Variants in ULK1 observed in about 807,000 individuals in gnomAD.
ULK1 encodes the protein serine/threonine-protein kinase ULK1.
In ULK1, 48 loss-of-function variants were observed where a neutral mutation model predicts 117.5. The ratio of observed to expected loss-of-function variants is 0.41; its 90% CI spans 0.32 to 0.52. ULK1 has a LOEUF of 0.52. ULK1 is among the 20% of genes least tolerant of loss of function. The probability of loss-of-function intolerance (pLI) is 0.29; values close to 1 mark genes in which losing one functional copy is unlikely to be tolerated. For missense variants in ULK1, 1,387 were observed against 1,473.4 expected (o/e 0.94, Z 0.96); for synonymous variants, 790 against 637.8 (o/e 1.24, Z -3.60).
At chr12:131,910,956 A>G (rs1343420064) in intron 12 of ULK1, among the ~76,000 whole-genome samples, 156 bp downstream of exon 12, 1 of 152,202 alleles carries the variant, frequency 6.6e-6, no homozygotes, top group Admixed American at 6.5e-5. Flanking sequence ...TTGAAGCCCC[A>G]CAAACGGGTG....
At position 131,911,949 on chromosome 12, in the gene ULK1, G is replaced by A. The variant is rs1225185146; in HGVS notation, c.956G>A (p.Gly319Asp). The change falls in exon 13 of 28, where the codon GGC becomes GAC. Residue 319 changes from glycine (G) to aspartate (D), a missense_variant. Physicochemically the swap from Gly to Asp is moderately conservative, Grantham distance 94. Around this residue, in one of 4 missense-constraint regions of ULK1, gnomAD observed 260 missense variants for 271.6 expected, o/e 0.96. Transcript: ENST00000321867. Reference protein sequence around the residue: ...TSHLASPPSLGEMQQLQKTLA... With the variant: ...TSHLASPPSLDEMQQLQKTLA... The stretch of plus-strand genomic sequence containing the variant: ...CCCTCCGTTGACTCTCAGTCCCTGG[G>A]CGAGATGCAGCAGCTGCAGAAGACC... 2.1e-5 allele frequency: 34 copies of A among 1,612,728 alleles called. No homozygotes were observed. Among genetic ancestry groups the A allele is most frequent in the Non-Finnish European group, 2.7e-5 (32 of 1,179,988 alleles).
At chr12:131,895,935 T>C (rs776618325) in intron 3 of ULK1, 111 bp downstream of exon 3, 91 of 1,411,092 alleles carry the variant, frequency 6.4e-5, no homozygotes, top group Non-Finnish European at 8.7e-5. Flanking sequence ...TGGGGTCTAC[T>C]GGGCCCCTGG....
Position 131,902,455 on chromosome 12 carries a change from GC to G in ULK1, c.247-4435del. On this transcript the variant is annotated intron_variant, in intron 3 of 27. Coordinates refer to ENST00000321867, the MANE Select transcript of ULK1 (RefSeq NM_003565.4). The surrounding 1 kb of genome is among the most constrained non-coding windows in gnomAD (Gnocchi z 6.3). ...TGCCTGGGACACCTGGCTCTGGCCG[GC>G]CGTGGGTGCGTGTGTGCAGGGTGTG... 6.6e-6 allele frequency among the ~76,000 whole-genome samples: 1 copy of G among 152,306 alleles called. No individual in the cohort carries two copies. Among genetic ancestry groups the G allele is most frequent in the East Asian group, 1.9e-4 (1 of 5,186 alleles).
chr12:131,921,792 G>A lies in ULK1; in HGVS notation c.*431G>A. ...CCTCGGCGTCCCCCAGTCTCCAGGA[G>A]CCTCTCCCTCCGAGATACCCACCCA... On this transcript the variant is annotated 3_prime_UTR_variant, in exon 28 of 28. Coordinates refer to ENST00000321867, the MANE Select transcript of ULK1 (RefSeq NM_003565.4). The A allele has an allele frequency of 2.0e-6, 1 of 500,718 alleles. No individual in the cohort carries two copies. 31.0% of individuals were successfully genotyped at this position (500,718 alleles called of 1,614,324 possible).
At chr12:131,896,129 CG>C (rs1336534568) in intron 3 of ULK1, among the ~76,000 whole-genome samples, 1 of 152,158 alleles carries the variant, frequency 6.6e-6, no homozygotes, top group Non-Finnish European at 1.5e-5. Flanking sequence ...CCGGCGTCCC[CG>C]GCTGGCCCTG....
rs562665511 is a variant in ULK1, at chr12:131,909,176, C to T, written c.605C>T (p.Ala202Val). 1.9e-5 allele frequency: 30 copies of T among 1,609,966 alleles called. No homozygotes were observed. In the South Asian group the frequency reaches 3.2e-4, roughly 17 times the overall value. Residue 202 changes from alanine (A) to valine (V), a missense_variant, in exon 8 of 28, where the codon GCG (alanine) becomes GTG (valine). This residue lies in a region of ULK1 where 224 missense variants were observed against 325.2 expected (regional missense o/e 0.69). Transcript: ENST00000321867. Reference protein sequence around the residue: ...VIMSQHYDGKADLWSIGTIVY... With the variant: ...VIMSQHYDGKVDLWSIGTIVY... ...ATGTCCCAGCACTACGACGGGAAGG[C>T]GGACCTGTGGAGCATCGGCACCATC... is the stretch of plus-strand genomic sequence containing the variant.
Position 131,909,838 on chromosome 12 carries a change from G to A in ULK1, c.725+5G>A. The A allele has an allele frequency of 6.2e-7, 1 of 1,611,452 alleles. No individual in the cohort carries two copies. The highest frequency in any genetic ancestry group is 8.5e-7 in the Non-Finnish European group (1 of 1,179,298). ...GAACAAGACGTTGGTCCCCACGTAA[G>A]CACCCTCCCGCCTTCCCTTCCCTTC... On this transcript the variant is annotated splice_donor_5th_base_variant and intron_variant, in intron 9 of 27. Coordinates refer to ENST00000321867, the MANE Select transcript of ULK1 (RefSeq NM_003565.4).
intron 22 of ULK1, 98 bp downstream of exon 22, chr12:131,917,652 C>T (rs56816971): frequency 1.7e-6 from 2 of 1,196,880 alleles, no homozygotes; most frequent in East Asian, 6.3e-5. Flanking sequence ...GGACTACAGC[C>T]CCCCAGAGCC....
Position 131,918,244 on chromosome 12 carries a change from G to A in ULK1, c.2327-253G>A, listed in dbSNP as rs1889949747. ...GGCTGGGGGTCGGGATACCCAGAGG[G>A]TCCCTTGGTGGGCACCGCAGCCCTT... On this transcript the variant is annotated intron_variant, in intron 22 of 27. Coordinates refer to ENST00000321867, the MANE Select transcript of ULK1 (RefSeq NM_003565.4). 4 of 561,142 alleles carry A rather than the reference G, an allele frequency of 7.1e-6. No individual in the cohort carries two copies. In the South Asian group the frequency reaches 8.9e-5, roughly 12 times the overall value. 34.8% of individuals were successfully genotyped at this position (561,142 alleles called of 1,614,324 possible).
rs768475852 is a variant in ULK1 at position 131,919,614 on chromosome 12, C to T, written c.2803+24C>T. 51 of 1,606,080 alleles carry T rather than the reference C, an allele frequency of 3.2e-5. No homozygotes were observed. In the Middle Eastern group the frequency reaches 6.6e-4, roughly 21 times the overall value. On this transcript the variant is annotated intron_variant, in intron 25 of 27. Coordinates refer to ENST00000321867, the MANE Select transcript of ULK1 (RefSeq NM_003565.4). ...GGGTGAGGGCTGCGACCGCTCAGCC[C>T]ACATGCCGGGTTGGGGAGGAAGCCC...
At chr12:131,895,532 G>A in intron 1 of ULK1, 69 bp from the exon 2 acceptor site, 3 of 1,350,066 alleles carry the variant, frequency 2.2e-6, no homozygotes, top group Non-Finnish European at 2.1e-6. Flanking sequence ...CCCCACCTGT[G>A]TGGACTGGGG....
intron 5 of ULK1, 95 bp from the exon 6 acceptor site, chr12:131,908,549 T>G: frequency 7.3e-7 from 1 of 1,372,212 alleles, no homozygotes; most frequent in East Asian, 2.8e-5. Flanking sequence ...TGCCTGGCGC[T>G]CTCCATCCGT....
At chr12:131,920,521 G>A in intron 26 of ULK1, 1 of 243,374 alleles carries the variant, frequency 4.1e-6, no homozygotes. Flanking sequence ...CCCTGCTTGG[G>A]CTCTGAAGAG....
At position 131,917,391 on chromosome 12, in the gene ULK1, G is replaced by C; in HGVS notation, c.2183-20G>C. On this transcript the variant is annotated intron_variant, in intron 21 of 27. Transcript: ENST00000321867. ...TCGGCGGGAGTCAGGATGCTCCTGAGCCCTTCCTTGCTCTCCCAGCACCCT... is the reference window on the plus strand; with the variant it reads ...TCGGCGGGAGTCAGGATGCTCCTGACCCCTTCCTTGCTCTCCCAGCACCCT... 1.4e-6 allele frequency: 2 copies of C among 1,474,042 alleles called. No individual in the cohort carries two copies. The highest frequency in any genetic ancestry group is 1.8e-6 in the Non-Finnish European group (2 of 1,114,732). The allele number at this position is 1,474,042 out of a possible 1,614,324, so 91.3% of individuals were successfully genotyped here.
At chr12:131,920,206 G>C (rs1452130559) in intron 26 of ULK1, 70 bp downstream of exon 26, 1 of 1,553,722 alleles carries the variant, frequency 6.4e-7, no homozygotes, top group Non-Finnish European at 8.7e-7. Context: ...CACTGGGACG[G>C]GACCTTGATG....
chr12:131,918,770 TG>T (rs1889986184), intron 23 of ULK1, 89 bp downstream of exon 23: 2 of 1,105,740 alleles, frequency 1.8e-6, no homozygotes, highest in Non-Finnish European at 2.3e-6. Flanking sequence ...ATAGGGTGTG[TG>T]GGGTGTCGGG....
At chr12:131,920,522 C>T (rs1890107530) in intron 26 of ULK1, 1 of 243,952 alleles carries the variant, frequency 4.1e-6, no homozygotes, top group Non-Finnish European at 8.0e-6. Flanking sequence ...CCTGCTTGGG[C>T]TCTGAAGAGC....
intron 8 of ULK1, 70 bp downstream of exon 8, chr12:131,909,307 C>T: frequency 6.8e-7 from 1 of 1,471,938 alleles, no homozygotes; most frequent in Non-Finnish European, 9.1e-7. Context: ...CGGTCAGACG[C>T]CCCCTGCGAG....
intron 16 of ULK1, among the ~76,000 whole-genome samples, chr12:131,914,758 C>A (rs943833964): frequency 6.6e-6 from 1 of 152,224 alleles, no homozygotes; most frequent in Non-Finnish European, 1.5e-5. Flanking sequence ...GGGTACCTTT[C>A]TTTTAACTCA....
Sources: allele counts gnomAD v4.1 joint callset (sites outside exome capture counted in the v4.1 genomes callset), GRCh38; gene constraint gnomAD v4.1.1; regional missense constraint gnomAD v4.1.1; non-coding constraint Gnocchi (gnomAD v3.1); transcripts MANE v1.5; gene names NCBI Gene and HGNC (gene_info 2026-07-23, HGNC 2026-07-21).